ASAH2: variants seen among roughly 807,000 people sequenced by gnomAD.
ASAH2 encodes the protein neutral ceramidase.
In ASAH2, 58 loss-of-function variants were observed where a neutral mutation model predicts 82.9. The observed-to-expected ratio is 0.70, with a 90% CI of 0.57 to 0.87. The LOEUF is 0.87. Among genes scored for constraint, ASAH2 ranks in the 40% least tolerant of loss-of-function variants. ASAH2 has a pLI of 0.00. For missense variants in ASAH2, 779 were observed against 834.0 expected, an observed-to-expected ratio of 0.93 and a Z score of 0.81; for synonymous variants, 276 against 289.7, an observed-to-expected ratio of 0.95 and a Z score of 0.48.
intron 7 of ASAH2, 46 bp from the exon 8 acceptor site, chr10:50,218,676 A>T (rs921427317): frequency 3.6e-5 from 58 of 1,612,114 alleles, no homozygotes; most frequent in Non-Finnish European, 4.6e-5. Flanking sequence ...GAACGAGAGA[A>T]CTGGGGCCAA....
In ASAH2 at chr10:50,202,910, A is replaced by G. The variant is rs1845192999; in HGVS notation, c.1680T>C (p.His560=). The change falls in exon 16 of 21, where the codon CAT becomes CAC. Residue 560 remains histidine, a synonymous_variant. Transcript: ENST00000682911. ...REAVQAEFAS[H]GMQNMTVVIS... ...TAACAACAGTCATGTTCTGCATCCC[A>G]TGAGATGCAAATTCCTAGGAGAGAA... 1 of 1,609,232 alleles carries G rather than the reference A, an allele frequency of 6.2e-7. No individual in the cohort carries two copies. Among genetic ancestry groups the G allele is most frequent in the Non-Finnish European group, 8.5e-7 (1 of 1,176,092 alleles).
chr10:50,230,957 C>A (rs1690356320), intron 7 of ASAH2, among the ~76,000 whole-genome samples: 1 of 150,902 alleles, frequency 6.6e-6, no homozygotes, highest in Non-Finnish European at 1.5e-5. Context: ...AGGAGGATCA[C>A]TTGAGCCTAG....
intron 18 of ASAH2, among the ~76,000 whole-genome samples, chr10:50,194,548 C>A (rs375361707): frequency 0.23 from 34,098 of 148,190 alleles, 5,191 homozygotes; most frequent in African/African-American, 0.43. Flanking sequence ...TTTTCTACTA[C>A]GATTGGAAAC....
chr10:50,187,118 T>TCTCACATA lies in ASAH2; in HGVS notation c.*196_*197insTATGTGAG, dbSNP rs1370881909. 3 of 140,976 alleles carry TCTCACATA rather than the reference T, an allele frequency of 2.1e-5. No individual in the cohort carries two copies. The highest frequency in any genetic ancestry group is 1.7e-4 in the African/African-American group (3 of 18,050). The allele number at this position is 140,976 out of a possible 1,614,324, so 8.7% of individuals were successfully genotyped here. ...CTCTCTCTCTCTCTCTCTCTCTCTC[T>TCTCACATA]CACACACACACACACACACACACAC... On this transcript the variant is annotated 3_prime_UTR_variant, in exon 21 of 21. Transcript: ENST00000682911.
At chr10:50,236,151 T>A in intron 4 of ASAH2, 87 bp from the exon 5 acceptor site, 1 of 1,138,140 alleles carries the variant, frequency 8.8e-7, no homozygotes, top group Non-Finnish European at 1.3e-6. Flanking sequence ...CAATCACTGA[T>A]CCATACCAAT....
At chr10:50,202,614 A>G (rs1165644549) in intron 16 of ASAH2, among the ~76,000 whole-genome samples, 1 of 152,094 alleles carries the variant, frequency 6.6e-6, no homozygotes, top group African/African-American at 2.4e-5. Context: ...GGAAAATGTA[A>G]GTCAGTAAAA....
At chr10:50,250,338 A>G (rs1419511123) in intron 1 of ASAH2, among the ~76,000 whole-genome samples, 1 of 152,194 alleles carries the variant, frequency 6.6e-6, no homozygotes, top group Non-Finnish European at 1.5e-5. Context: ...GTGGGCAAAG[A>G]GACTGGAACA....
At chr10:50,196,181 T>C (rs1296665117) in intron 18 of ASAH2, among the ~76,000 whole-genome samples, 103 of 151,946 alleles carry the variant, frequency 6.8e-4, no homozygotes, top group African/African-American at 2.3e-3. Flanking sequence ...ATTTATCAAG[T>C]AGAAAATTAA....
intron 7 of ASAH2, among the ~76,000 whole-genome samples, chr10:50,226,738 G>A (rs992213174): frequency 6.6e-6 from 1 of 151,728 alleles, no homozygotes. Context: ...TAATAATAAA[G>A]TCTATTGAAA....
chr10:50,200,989 C>T (rs1375722079), intron 16 of ASAH2, among the ~76,000 whole-genome samples: 2 of 151,938 alleles, frequency 1.3e-5, no homozygotes, highest in East Asian at 1.9e-4. Flanking sequence ...AAACCCCAAA[C>T]CCCCAGCTCC....
At chr10:50,200,882 C>T (rs1304441634) in intron 16 of ASAH2, among the ~76,000 whole-genome samples, 1 of 152,080 alleles carries the variant, frequency 6.6e-6, no homozygotes, top group Non-Finnish European at 1.5e-5. Flanking sequence ...GCCTGGAAAC[C>T]TGTGGCCCTA....
chr10:50,201,136 T>C (rs2133199494), intron 16 of ASAH2, among the ~76,000 whole-genome samples: 1 of 152,048 alleles, frequency 6.6e-6, no homozygotes, highest in East Asian at 2.0e-4. Flanking sequence ...ACAGCCAAAC[T>C]CCAGGGGAAG....
At chr10:50,227,819 G>T (rs1263055680) in intron 7 of ASAH2, among the ~76,000 whole-genome samples, 2 of 152,056 alleles carry the variant, frequency 1.3e-5, no homozygotes, top group African/African-American at 4.8e-5. Flanking sequence ...CACCATCTTG[G>T]TCATCTAAAA....
intron 9 of ASAH2, 132 bp from the exon 10 acceptor site, chr10:50,213,190 C>CA: frequency 1.2e-6 from 1 of 837,192 alleles, no homozygotes; most frequent in Non-Finnish European, 2.0e-6. Context: ...GGTAGTCTCT[C>CA]AAAGTACAAA....
intron 16 of ASAH2, among the ~76,000 whole-genome samples, chr10:50,201,268 C>T (rs1845141520): frequency 1.3e-5 from 2 of 152,068 alleles, no homozygotes; most frequent in African/African-American, 4.8e-5. Flanking sequence ...TCTTCCTAGA[C>T]ACTGGACAAG....
intron 16 of ASAH2, among the ~76,000 whole-genome samples, chr10:50,200,226 C>G (rs1845102800): frequency 6.6e-6 from 1 of 151,220 alleles, no homozygotes; most frequent in Non-Finnish European, 1.5e-5. Context: ...AAAATTTTAT[C>G]AAAGCATTCT....
intron 6 of ASAH2, among the ~76,000 whole-genome samples, chr10:50,234,166 A>G (rs1428963186): frequency 1.3e-5 from 2 of 152,138 alleles, no homozygotes; most frequent in Admixed American, 6.6e-5. Flanking sequence ...TCCTGATTTC[A>G]AAGCCCAGAG....
At chr10:50,226,173 A>G (rs1236828109) in intron 7 of ASAH2, among the ~76,000 whole-genome samples, 9 of 152,140 alleles carry the variant, frequency 5.9e-5, no homozygotes, top group African/African-American at 1.7e-4. Context: ...ATTGCTGATT[A>G]GTTGAGTACA....
chr10:50,245,528 T>G, intron 2 of ASAH2, 74 bp from the exon 3 acceptor site: 1 of 1,320,958 alleles, frequency 7.6e-7, no homozygotes, highest in Non-Finnish European at 1.0e-6. Flanking sequence ...GAACACAATA[T>G]ATAGGCTCAG....
Sources: allele counts gnomAD v4.1 joint callset (sites outside exome capture counted in the v4.1 genomes callset), GRCh38; gene constraint gnomAD v4.1.1; transcripts MANE v1.5; gene names NCBI Gene and HGNC (gene_info 2026-07-23, HGNC 2026-07-21).